The following NPHP1 variants were observed in gnomAD, a reference collection of about 807,000 sequenced individuals.
The protein encoded by NPHP1 is nephrocystin-1.
NPHP1 carries 70 observed loss-of-function variants against 90.4 expected under a neutral mutation model. That is an observed-to-expected ratio of 0.77 (90% CI 0.64 to 0.95). The LOEUF is 0.95. Among genes scored for constraint, NPHP1 ranks in the 40% least tolerant of loss-of-function variants. The probability of loss-of-function intolerance (pLI) is 0.00; values close to 1 mark genes in which losing one functional copy is unlikely to be tolerated. For missense variants in NPHP1, 764 were observed against 795.9 expected, an observed-to-expected ratio of 0.96 and a Z score of 0.48; for synonymous variants, 256 against 271.7, an observed-to-expected ratio of 0.94 and a Z score of 0.57.
chr2:110,129,407 CA>C (rs1679617927), intron 17 of NPHP1, 148 bp from the exon 18 acceptor site: 9 of 721,550 alleles, frequency 1.2e-5, no homozygotes, highest in Non-Finnish European at 2.0e-5. Context: ...TAGGAGAGCT[CA>C]AAGCTGTCCC....
chr2:110,193,040 C>T (rs1483312612), intron 2 of NPHP1, among the ~76,000 whole-genome samples: 1 of 152,084 alleles, frequency 6.6e-6, no homozygotes, highest in East Asian at 1.9e-4. Context: ...TGGTACCAGC[C>T]ACTGCAAAAA....
intron 2 of NPHP1, among the ~76,000 whole-genome samples, chr2:110,195,576 T>C (rs1685106431): frequency 6.6e-6 from 1 of 152,186 alleles, no homozygotes; most frequent in African/African-American, 2.4e-5. Context: ...ATGACCATAC[T>C]GCCCAAGGTA....
chr2:110,125,170 C>A, intron 19 of NPHP1: 3 of 1,520,430 alleles, frequency 2.0e-6, no homozygotes, highest in Non-Finnish European at 8.8e-7. Context: ...TGGATGAGAG[C>A]AGTCAAACCA....
chr2:110,170,113 A>T, intron 4 of NPHP1, 115 bp from the exon 5 acceptor site: 1 of 1,334,822 alleles, frequency 7.5e-7, no homozygotes. Context: ...GGCAAATAAA[A>T]GAAATAAGGG....
chr2:110,132,949 T>C (rs926390067), intron 16 of NPHP1, among the ~76,000 whole-genome samples: 1 of 151,892 alleles, frequency 6.6e-6, no homozygotes, highest in Non-Finnish European at 1.5e-5. Context: ...TTTGTCACTA[T>C]GAAAAATCAA....
intron 2 of NPHP1, among the ~76,000 whole-genome samples, chr2:110,200,034 G>A (rs1030748995): frequency 6.6e-6 from 1 of 152,004 alleles, no homozygotes; most frequent in African/African-American, 2.4e-5. Flanking sequence ...AAAGCAGGGG[G>A]CATGAGGTCA....
intron 19 of NPHP1, chr2:110,124,935 T>A: frequency 3.2e-6 from 1 of 315,608 alleles, no homozygotes; most frequent in Non-Finnish European, 5.7e-6. Context: ...AGATAATGAA[T>A]ACTTTAGATC....
chr2:110,159,816 C>T (rs958992728), intron 11 of NPHP1, among the ~76,000 whole-genome samples: 1 of 152,000 alleles, frequency 6.6e-6, no homozygotes, highest in African/African-American at 2.4e-5. Flanking sequence ...TTATTTCCCA[C>T]TTTCTACTTT....
chr2:110,198,163 A>G (rs756626725), intron 2 of NPHP1, among the ~76,000 whole-genome samples: 43 of 152,132 alleles, frequency 2.8e-4, no homozygotes, highest in Admixed American at 1.6e-3. Flanking sequence ...ATGTTCTCCT[A>G]TAAAGGGTGG....
At chr2:110,172,427 C>T (rs1208852236) in intron 4 of NPHP1, among the ~76,000 whole-genome samples, 2 of 151,940 alleles carry the variant, frequency 1.3e-5, no homozygotes, top group African/African-American at 2.4e-5. Flanking sequence ...TTTCTGGCCC[C>T]TAAAGTTGGA....
chr2:110,150,385 T>TC, intron 11 of NPHP1, 129 bp from the exon 12 acceptor site: 1 of 806,238 alleles, frequency 1.2e-6, no homozygotes. Flanking sequence ...TTTCACTTTT[T>TC]ACTTCATGTA....
intron 2 of NPHP1, chr2:110,184,295 C>A: frequency 6.7e-6 from 4 of 599,936 alleles, no homozygotes; most frequent in South Asian, 6.1e-5. Context: ...ATGGCATTGT[C>A]AAGGACTGGA....
At chr2:110,136,510 G>C (rs1416131484) in intron 16 of NPHP1, among the ~76,000 whole-genome samples, 5 of 152,082 alleles carry the variant, frequency 3.3e-5, no homozygotes, top group Non-Finnish European at 5.9e-5. Context: ...AAAATCACAA[G>C]CATTCTTATA....
At position 110,164,419 on chromosome 2, in the gene NPHP1, G is replaced by A. The variant is rs894766647; in HGVS notation, c.771+269C>T. 6.8e-6 allele frequency: 5 copies of A among 732,848 alleles called. No individual in the cohort carries two copies. The East Asian group carries it at 7.3e-5, about 11-fold the overall frequency. The allele number at this position is 732,848 out of a possible 1,614,324, so 45.4% of individuals were successfully genotyped here. A position where few individuals can be genotyped will look rare whatever the true frequency, so the allele number is the denominator to read the frequency against. Reference sequence around the variant, plus strand: ...ACATCTGTTTCCACTCAAATGATAGGAAAGCAGGATCAATGAGAATGTTTC... The same window carrying A: ...ACATCTGTTTCCACTCAAATGATAGAAAAGCAGGATCAATGAGAATGTTTC... On this transcript the variant is annotated intron_variant, in intron 8 of 19. Coordinates refer to ENST00000445609, the MANE Select transcript of NPHP1 (RefSeq NM_001128178.3).
In NPHP1 at chr2:110,185,598, G is replaced by A. The variant is rs142698788; in HGVS notation, c.144-5914C>T. Among the ~76,000 whole-genome samples, 830 of 152,236 alleles carry A rather than the reference G, an allele frequency of 5.5e-3. 13 individuals are homozygous for A. The highest frequency in any genetic ancestry group is 0.017 in the African/African-American group (709 of 41,536). On this transcript the variant is annotated intron_variant, in intron 2 of 19. Coordinates refer to ENST00000445609, the MANE Select transcript of NPHP1 (RefSeq NM_001128178.3). ...ACTCCCACCCACCAGGGTGCCCTGA[G>A]GACCCAGGCAGCTGCTGCCTCCCCT...
rs538007314 is a variant in NPHP1, at chr2:110,178,143, C to T, written c.329+280G>A. ...ACATCAACATTGACATTAAATATAT[C>T]ATCTTTATTTTCTAACATTTGTTCA... On this transcript the variant is annotated intron_variant, in intron 4 of 19. Coordinates refer to ENST00000445609, the MANE Select transcript of NPHP1 (RefSeq NM_001128178.3). 68 of 498,442 alleles carry T rather than the reference C, an allele frequency of 1.4e-4. No homozygotes were observed. In the South Asian group the frequency reaches 2.2e-3, roughly 16 times the overall value. 30.9% of individuals were successfully genotyped at this position (498,442 alleles called of 1,614,324 possible).
intron 2 of NPHP1, among the ~76,000 whole-genome samples, chr2:110,180,772 T>C (rs1478218663): frequency 2.0e-5 from 3 of 152,050 alleles, no homozygotes; most frequent in African/African-American, 7.2e-5. Context: ...TGAGTGACCA[T>C]GCAACCCTGC....
chr2:110,172,586 GC>G (rs1683212181), intron 4 of NPHP1, among the ~76,000 whole-genome samples: 1 of 152,034 alleles, frequency 6.6e-6, no homozygotes, highest in Middle Eastern at 3.2e-3. Context: ...TTCAAGACCA[GC>G]CTGAGCAATA....
chr2:110,135,369 T>C (rs1021740733), intron 16 of NPHP1, among the ~76,000 whole-genome samples: 2 of 147,894 alleles, frequency 1.4e-5, no homozygotes, highest in South Asian at 2.1e-4. Context: ...CCCAGCTACT[T>C]GGGAGGCTGA....
Sources: allele counts gnomAD v4.1 joint callset (sites outside exome capture counted in the v4.1 genomes callset), GRCh38; gene constraint gnomAD v4.1.1; transcripts MANE v1.5; gene names NCBI Gene and HGNC (gene_info 2026-07-23, HGNC 2026-07-21).